SNX29: variants seen among roughly 807,000 people sequenced by gnomAD.
The protein encoded by SNX29 is sorting nexin-29.
Under a neutral mutation model 102.1 loss-of-function variants are expected in SNX29, and 78 were observed. That is an observed-to-expected ratio of 0.76 (90% CI 0.64 to 0.92). The LOEUF is 0.92. Ranked by LOEUF, SNX29 falls within the 40% of genes least tolerant of loss-of-function variation. The pLI, the probability that SNX29 is intolerant of heterozygous loss-of-function variation, is 0.00. For missense variants in SNX29, 1,280 were observed against 1,061.7 expected, an observed-to-expected ratio of 1.21 and a Z score of -2.86; for synonymous variants, 580 against 414.5, an observed-to-expected ratio of 1.40 and a Z score of -4.85.
At chr16:12,247,433 C>G (rs1208416244) in intron 14 of SNX29, among the ~76,000 whole-genome samples, 1 of 152,158 alleles carries the variant, frequency 6.6e-6, no homozygotes, top group Non-Finnish European at 1.5e-5. Context: ...CCCTCAAAAT[C>G]ATTCTATGGG....
At chr16:12,088,317 G>C (rs1383315915) in intron 11 of SNX29, 1 of 358,738 alleles carries the variant, frequency 2.8e-6, no homozygotes, top group South Asian at 2.1e-5. Flanking sequence ...TGTTGCTAGG[G>C]GGAGGTGCCA....
intron 19 of SNX29, among the ~76,000 whole-genome samples, chr16:12,512,424 C>A (rs1260416668): frequency 1.1e-5 from 1 of 89,884 alleles, no homozygotes; most frequent in African/African-American, 3.9e-5. Flanking sequence ...ATATAGTTTT[C>A]GGTTTTTGAG....
intron 20 of SNX29, among the ~76,000 whole-genome samples, chr16:12,559,594 G>A (rs754543372): frequency 2.0e-5 from 3 of 151,748 alleles, no homozygotes; most frequent in Non-Finnish European, 4.4e-5. Flanking sequence ...GTGCCAAAAA[G>A]GTTGGGGACT....
chr16:12,225,163 T>C (rs1360780591), intron 14 of SNX29, among the ~76,000 whole-genome samples: 1 of 152,220 alleles, frequency 6.6e-6, no homozygotes, highest in Non-Finnish European at 1.5e-5. Context: ...TTAATATCAC[T>C]GCCTTTGATA....
Position 12,536,026 on chromosome 16 carries a change from C to G in SNX29, c.2318+11185C>G, listed in dbSNP as rs114820020. Among the ~76,000 whole-genome samples the G allele has an allele frequency of 2.1e-3, 327 of 152,244 alleles. 2 individuals are homozygous for G. Among genetic ancestry groups the G allele is most frequent in the African/African-American group, 7.6e-3 (317 of 41,540 alleles). On this transcript the variant is annotated intron_variant, in intron 20 of 20. Transcript: ENST00000566228. ...GACACGCACTCGGAGCTATCCCGTT[C>G]CTAATTTGATTGCCCATGAGCTGAG...
chr16:12,294,396 A>T (rs1327531899), intron 15 of SNX29, among the ~76,000 whole-genome samples: 2 of 152,110 alleles, frequency 1.3e-5, no homozygotes, highest in African/African-American at 4.8e-5. Context: ...GTCACTGGAC[A>T]TCTTCTCTCG....
intron 13 of SNX29, among the ~76,000 whole-genome samples, chr16:12,170,909 G>C (rs893770801): frequency 6.6e-6 from 1 of 151,982 alleles, no homozygotes; most frequent in Non-Finnish European, 1.5e-5. Context: ...CGGAGGCCCT[G>C]ATGGCTGGAG....
intron 18 of SNX29, among the ~76,000 whole-genome samples, chr16:12,472,881 G>T (rs961161053): frequency 6.6e-6 from 1 of 152,158 alleles, no homozygotes; most frequent in Admixed American, 6.5e-5. Flanking sequence ...GAAAGGGTTT[G>T]CCCCGATGCC....
intron 14 of SNX29, among the ~76,000 whole-genome samples, chr16:12,213,063 G>A (rs1287562357): frequency 6.6e-6 from 1 of 152,138 alleles, no homozygotes; most frequent in Non-Finnish European, 1.5e-5. Context: ...GCAGTGAGCC[G>A]AGATCGTGCC....
chr16:12,015,235 A>C, intron 3 of SNX29, among the ~76,000 whole-genome samples: 1 of 151,764 alleles, frequency 6.6e-6, no homozygotes, highest in Admixed American at 6.6e-5. Context: ...TCCAAGTTAT[A>C]GTTCTTTTTT....
chr16:12,240,712 T>G (rs8062306), intron 14 of SNX29, among the ~76,000 whole-genome samples: 5,971 of 143,530 alleles, frequency 0.042, 420 homozygotes, highest in African/African-American at 0.14. Context: ...TGATCCTCCC[T>G]CTTCAGCCTT....
At chr16:12,413,737 G>A (rs751413865) in intron 18 of SNX29, among the ~76,000 whole-genome samples, 63 of 152,316 alleles carry the variant, frequency 4.1e-4, no homozygotes, top group Non-Finnish European at 7.3e-4. Flanking sequence ...CGATCCTCAC[G>A]CCAGGCGCCC....
intron 1 of SNX29, among the ~76,000 whole-genome samples, chr16:11,986,572 C>T (rs2055636478): frequency 6.6e-6 from 1 of 152,186 alleles, no homozygotes; most frequent in Admixed American, 6.5e-5. Context: ...TTTCTGCTTA[C>T]ATGATAGCAC....
intron 19 of SNX29, among the ~76,000 whole-genome samples, chr16:12,480,606 C>T (rs1272631550): frequency 6.6e-6 from 1 of 152,156 alleles, no homozygotes; most frequent in African/African-American, 2.4e-5. Flanking sequence ...GCCATTATTG[C>T]GCCCACCACA....
intron 20 of SNX29, among the ~76,000 whole-genome samples, chr16:12,554,460 A>G (rs964917397): frequency 2.6e-5 from 4 of 152,186 alleles, no homozygotes; most frequent in Non-Finnish European, 5.9e-5. Context: ...TGCCAGGTCC[A>G]TGGGTCCTGC....
chr16:12,079,478 C>G (rs543565712), intron 11 of SNX29, among the ~76,000 whole-genome samples: 1 of 152,150 alleles, frequency 6.6e-6, no homozygotes, highest in African/African-American at 2.4e-5. Flanking sequence ...GTCCCATGGC[C>G]TCCCCTGGAG....
intron 20 of SNX29, among the ~76,000 whole-genome samples, chr16:12,531,628 G>C (rs2076934901): frequency 6.6e-6 from 1 of 152,190 alleles, no homozygotes; most frequent in South Asian, 2.1e-4. Flanking sequence ...CTGCCTGCTG[G>C]GGCAATGGAA....
intron 10 of SNX29, among the ~76,000 whole-genome samples, chr16:12,072,560 T>A (rs2051352551): frequency 6.6e-6 from 1 of 152,154 alleles, no homozygotes; most frequent in African/African-American, 2.4e-5. Flanking sequence ...TGCTGCTGGA[T>A]TCGGTTTGCC....
intron 20 of SNX29, among the ~76,000 whole-genome samples, chr16:12,531,894 C>T (rs747770179): frequency 6.6e-6 from 1 of 152,182 alleles, no homozygotes; most frequent in Non-Finnish European, 1.5e-5. Flanking sequence ...TGTATGTCTT[C>T]TCCCCTCTCA....
Sources: gnomAD v4.1 joint callset for allele counts (sites outside exome capture counted in the v4.1 genomes callset) on GRCh38, gnomAD v4.1.1 for gene constraint, MANE v1.5 for transcripts, NCBI Gene and HGNC (gene_info 2026-07-23, HGNC 2026-07-21) for gene names.